SH3RF2: variants seen among roughly 807,000 people sequenced by gnomAD.
SH3RF2 encodes E3 ubiquitin-protein ligase SH3RF2.
A neutral mutation model predicts 59.0 loss-of-function variants in SH3RF2; 43 were observed. That is an observed-to-expected ratio of 0.73 (90% CI 0.57 to 0.94). The LOEUF (loss-of-function observed/expected upper bound fraction) is 0.94, where lower values mean the gene tolerates loss of function less well. Among genes scored for constraint, SH3RF2 ranks in the 40% least tolerant of loss-of-function variants. SH3RF2 has a pLI of 0.00. For missense variants in SH3RF2, 930 were observed against 940.1 expected (o/e 0.99, Z 0.14); for synonymous variants, 391 against 391.5 (o/e 1.00, Z 0.01).
chr5:145,957,056 T>C (rs1758441634), intron 2 of SH3RF2, among the ~76,000 whole-genome samples: 1 of 152,246 alleles, frequency 6.6e-6, no homozygotes, highest in Admixed American at 6.5e-5. Context: ...GCTTTGGCTG[T>C]CTTTTTCTTT....
intron 2 of SH3RF2, among the ~76,000 whole-genome samples, chr5:145,994,186 T>G (rs1012649650): frequency 3.3e-5 from 5 of 152,208 alleles, no homozygotes; most frequent in African/African-American, 1.2e-4. Flanking sequence ...CATCTCCATC[T>G]GAGACCACCT....
intron 6 of SH3RF2, among the ~76,000 whole-genome samples, chr5:146,048,285 A>C (rs1762376460): frequency 6.6e-6 from 1 of 151,788 alleles, no homozygotes; most frequent in Non-Finnish European, 1.5e-5. Flanking sequence ...ACTGCTCTCC[A>C]GCCTGGGCCA....
intron 2 of SH3RF2, among the ~76,000 whole-genome samples, chr5:145,963,020 C>A (rs1291086142): frequency 6.6e-6 from 1 of 151,606 alleles, no homozygotes; most frequent in Non-Finnish European, 1.5e-5. Context: ...GTCTCAGCCA[C>A]CCGAGTAGCT....
At chr5:145,986,183 C>T (rs558025595) in intron 2 of SH3RF2, among the ~76,000 whole-genome samples, 1 of 152,246 alleles carries the variant, frequency 6.6e-6, no homozygotes, top group South Asian at 2.1e-4. Context: ...CAGGGGCCAC[C>T]TCCAGCCCCC....
chr5:145,953,829 A>C (rs776482172), intron 2 of SH3RF2, among the ~76,000 whole-genome samples: 4 of 152,130 alleles, frequency 2.6e-5, no homozygotes, highest in Non-Finnish European at 4.4e-5. Context: ...TTGTTCCTGC[A>C]TTAGTTTGCT....
intron 2 of SH3RF2, among the ~76,000 whole-genome samples, chr5:145,955,740 T>C (rs147528642): frequency 2.0e-5 from 3 of 152,290 alleles, no homozygotes; most frequent in African/African-American, 4.8e-5. Flanking sequence ...TTATCTACCA[T>C]AGATGAACAT....
downstream of SH3RF2, among the ~76,000 whole-genome samples, chr5:146,065,118 C>T (rs1006600544): frequency 1.2e-4 from 19 of 152,192 alleles, no homozygotes; most frequent in Non-Finnish European, 2.2e-4. Context: ...CATGACAGCA[C>T]GTTGTTCTAG....
intron 2 of SH3RF2, among the ~76,000 whole-genome samples, chr5:145,992,934 A>G (rs955321378): frequency 6.6e-6 from 1 of 152,142 alleles, no homozygotes; most frequent in African/African-American, 2.4e-5. Flanking sequence ...CATTAACTCA[A>G]AAGTCCATAG....
At chr5:145,947,882 A>G (rs1758053423) in intron 2 of SH3RF2, among the ~76,000 whole-genome samples, 1 of 152,188 alleles carries the variant, frequency 6.6e-6, no homozygotes, top group Non-Finnish European at 1.5e-5. Context: ...ACTACTTAAA[A>G]TATTACCAAA....
At chr5:145,974,493 TG>T (rs1237047138) in intron 2 of SH3RF2, among the ~76,000 whole-genome samples, 1 of 152,048 alleles carries the variant, frequency 6.6e-6, no homozygotes, top group Non-Finnish European at 1.5e-5. Context: ...AAAAGAAAAA[TG>T]GAGGAGAAGA....
intron 2 of SH3RF2, among the ~76,000 whole-genome samples, chr5:145,961,434 T>G (rs1051775721): frequency 6.6e-6 from 1 of 152,218 alleles, no homozygotes; most frequent in African/African-American, 2.4e-5. Context: ...ATATTTCAGA[T>G]ATGAATAAAG....
At chr5:145,978,222 C>T (rs1214492803) in intron 2 of SH3RF2, among the ~76,000 whole-genome samples, 1 of 152,160 alleles carries the variant, frequency 6.6e-6, no homozygotes, top group Non-Finnish European at 1.5e-5. Context: ...GCCCTTGGTA[C>T]ATTTTAAGCC....
intron 5 of SH3RF2, among the ~76,000 whole-genome samples, chr5:146,046,762 A>G (rs1762317905): frequency 6.6e-6 from 1 of 151,792 alleles, no homozygotes; most frequent in Non-Finnish European, 1.5e-5. Flanking sequence ...GGCAGTTTAC[A>G]GGAACTTTTT....
chr5:146,060,146 G>C lies in SH3RF2; in HGVS notation c.1836G>C (p.Glu612Asp), dbSNP rs777133649. 16 of 1,614,066 alleles carry C rather than the reference G, an allele frequency of 9.9e-6. No individual in the cohort carries two copies. The African/African-American group carries it at 2.0e-4, about 20-fold the overall frequency. Residue 612 changes from glutamate to aspartate, a missense_variant, in exon 9 of 10, where the codon GAG becomes GAC. Coordinates refer to ENST00000359120, the MANE Select transcript of SH3RF2 (RefSeq NM_152550.4). The part of the protein sequence containing the change: ...MEDKEIPIKS[E>D]PLPKPPASAP... ...ACAAAGAAATCCCCATCAAGAGTGA[G>C]CCTCTGCCAAAACCGCCCGCATCTG...
At chr5:145,997,739 T>A (rs1429993668) in intron 2 of SH3RF2, 10 of 1,576,428 alleles carry the variant, frequency 6.3e-6, no homozygotes, top group Non-Finnish European at 7.8e-6. Flanking sequence ...TTGAAGCAGT[T>A]AAATCATTGT....
intron 5 of SH3RF2, among the ~76,000 whole-genome samples, chr5:146,029,745 G>C (rs947587325): frequency 9.2e-5 from 14 of 152,092 alleles, no homozygotes; most frequent in Non-Finnish European, 1.6e-4. Context: ...AACCCTCTGT[G>C]AATGCCTCAG....
At chr5:145,975,213 G>A (rs545969117) in intron 2 of SH3RF2, among the ~76,000 whole-genome samples, 19 of 152,284 alleles carry the variant, frequency 1.2e-4, no homozygotes, top group African/African-American at 2.2e-4. Context: ...TGGACACTCC[G>A]TCCTTCCCAA....
chr5:145,960,825 C>T (rs1307131504), intron 2 of SH3RF2, among the ~76,000 whole-genome samples: 1 of 152,076 alleles, frequency 6.6e-6, no homozygotes, highest in Non-Finnish European at 1.5e-5. Context: ...TTGCTATTGG[C>T]ACATAAAGAC....
chr5:146,020,478 C>T (rs1315601662), intron 5 of SH3RF2, among the ~76,000 whole-genome samples: 1 of 152,108 alleles, frequency 6.6e-6, no homozygotes, highest in East Asian at 1.9e-4. Context: ...GTTGCATTCA[C>T]CTGTTGCCCT....
Sources: allele counts gnomAD v4.1 joint callset (sites outside exome capture counted in the v4.1 genomes callset), GRCh38; gene constraint gnomAD v4.1.1; transcripts MANE v1.5; gene names NCBI Gene and HGNC (gene_info 2026-07-23, HGNC 2026-07-21).